HIPK2: variants seen among roughly 807,000 people sequenced by gnomAD.
The protein encoded by HIPK2 is homeodomain interacting protein kinase 2.
HIPK2 carries 27 observed loss-of-function variants against 113.7 expected under a neutral mutation model. The ratio of observed to expected loss-of-function variants is 0.24; its 90% CI spans 0.17 to 0.33. The LOEUF is 0.33. HIPK2 is among the 10% of genes least tolerant of loss of function. The pLI, the probability that HIPK2 is intolerant of heterozygous loss-of-function variation, is 1.00. For synonymous variants in HIPK2, 631 were observed against 642.2 expected, an observed-to-expected ratio of 0.98 and a Z score of 0.26; for missense variants, 1,257 against 1,588.0, an observed-to-expected ratio of 0.79 and a Z score of 3.54.
chr7:139,716,146 G>A lies in HIPK2; in HGVS notation c.889C>T (p.Pro297Ser). 6.2e-7 allele frequency: 1 copy of A among 1,614,040 alleles called. No homozygotes were observed. The highest frequency in any genetic ancestry group is 8.5e-7 in the Non-Finnish European group (1 of 1,179,912). ...AGAACTGGGCGAATGTATTTGAGGG[G>A]CAAGGGGCTAAACTTGTTTTGCTTC... Reference protein sequence around the residue: ...FLKQNKFSPLPLKYIRPVLQQ... With the variant: ...FLKQNKFSPLSLKYIRPVLQQ... Residue 297 changes from proline to serine, a missense_variant, in exon 2 of 15, where the codon CCC (proline) becomes TCC (serine). Physicochemically the swap from Pro to Ser is moderately conservative, Grantham distance 74. Transcript: ENST00000406875. This position sits in a 1 kb window ranked among gnomAD's most constrained non-coding sequence, Gnocchi z 9.3.
At chr7:139,765,884 C>A (rs1436578364) in intron 1 of HIPK2, among the ~76,000 whole-genome samples, 1 of 152,216 alleles carries the variant, frequency 6.6e-6, no homozygotes, top group East Asian at 1.9e-4. Context: ...ATAGAGCTAA[C>A]CCCTTCACCA....
At chr7:139,711,936 T>G (rs1156514662) in intron 2 of HIPK2, among the ~76,000 whole-genome samples, 1 of 152,132 alleles carries the variant, frequency 6.6e-6, no homozygotes, top group Non-Finnish European at 1.5e-5. Context: ...ATAGTGTTTC[T>G]CAAAGACTGG....
chr7:139,745,907 C>T (rs962772144), intron 1 of HIPK2, among the ~76,000 whole-genome samples: 2 of 152,172 alleles, frequency 1.3e-5, no homozygotes, highest in South Asian at 4.1e-4. Context: ...GTAGCAGCCA[C>T]GATTATTTCA....
At chr7:139,621,957 GA>G (rs1053240730) in intron 6 of HIPK2, among the ~76,000 whole-genome samples, 78 of 144,144 alleles carry the variant, frequency 5.4e-4, no homozygotes, top group African/African-American at 1.7e-3. Flanking sequence ...AAAAGAAAAA[GA>G]AAAAAAACTC....
rs186457099 is a variant in HIPK2, at chr7:139,693,255, C to G, written c.1103+22677G>C. On this transcript the variant is annotated intron_variant, in intron 2 of 14. Transcript: ENST00000406875. ...TGCATGTAAAATTCCTTGCATATAA[C>G]AGGCACTTAATAAATGGCAGCTAGA... is the stretch of plus-strand genomic sequence containing the variant. 7.2e-5 allele frequency among the ~76,000 whole-genome samples: 11 copies of G among 152,334 alleles called. 1 individual carries two copies. The highest frequency in any genetic ancestry group is 7.2e-4 in the Admixed American group (11 of 15,304).
At chr7:139,688,062 C>T (rs892611705) in intron 2 of HIPK2, among the ~76,000 whole-genome samples, 36 of 152,144 alleles carry the variant, frequency 2.4e-4, no homozygotes, top group African/African-American at 7.9e-4. Flanking sequence ...CACAGGCAGC[C>T]CATTGGGCCT....
intron 10 of HIPK2, 99 bp from the exon 11 acceptor site, chr7:139,600,695 G>T: frequency 7.4e-7 from 1 of 1,354,422 alleles, no homozygotes; most frequent in Non-Finnish European, 1.0e-6. Flanking sequence ...GCTGACTGCA[G>T]TTGGTTATCT....
chr7:139,696,788 G>A (rs940440288), intron 2 of HIPK2, among the ~76,000 whole-genome samples: 12 of 152,126 alleles, frequency 7.9e-5, no homozygotes, highest in African/African-American at 1.9e-4. Flanking sequence ...TCTTCCTGGC[G>A]TCAACACTCA....
rs1371158839 is a variant in HIPK2 at position 139,613,718 on chromosome 7, C to G, written c.1991-395G>C. On this transcript the variant is annotated intron_variant, in intron 8 of 14. Transcript: ENST00000406875. The surrounding 1 kb of genome is among the most constrained non-coding windows in gnomAD (Gnocchi z 4.2). ...GCATTGACTGTAACCACACAGTTTA[C>G]ACCATGAGGCTTGCAAAAATAAATT... Among the ~76,000 whole-genome samples the G allele has an allele frequency of 6.6e-6, 1 of 152,146 alleles. No homozygotes were observed. Among genetic ancestry groups the G allele is most frequent in the Admixed American group, 6.5e-5 (1 of 15,270 alleles).
chr7:139,702,697 T>C (rs1794746743), intron 2 of HIPK2, among the ~76,000 whole-genome samples: 1 of 152,086 alleles, frequency 6.6e-6, no homozygotes, highest in Non-Finnish European at 1.5e-5. Flanking sequence ...GCGTAAATAA[T>C]CATGTCAGAA....
intron 2 of HIPK2, among the ~76,000 whole-genome samples, chr7:139,702,882 T>C (rs954913394): frequency 2.6e-5 from 4 of 152,134 alleles, no homozygotes; most frequent in Admixed American, 6.5e-5. Flanking sequence ...GAGGACAAGT[T>C]GATGAGCCAC....
chr7:139,734,743 T>A (rs1489328802), intron 1 of HIPK2, among the ~76,000 whole-genome samples: 1 of 152,206 alleles, frequency 6.6e-6, no homozygotes, highest in Non-Finnish European at 1.5e-5. Context: ...ACTGATTCAT[T>A]AATGGCCAAA....
chr7:139,655,119 TC>T (rs1444452774), intron 2 of HIPK2, among the ~76,000 whole-genome samples: 1 of 152,132 alleles, frequency 6.6e-6, no homozygotes, highest in Non-Finnish European at 1.5e-5. Flanking sequence ...GGAATTAGGG[TC>T]CCCAGCCTGG....
At chr7:139,698,349 G>A (rs1255970476) in intron 2 of HIPK2, among the ~76,000 whole-genome samples, 1 of 152,080 alleles carries the variant, frequency 6.6e-6, no homozygotes, top group African/African-American at 2.4e-5. Flanking sequence ...TTGCATATAC[G>A]TTCATCCACT....
chr7:139,661,275 C>T (rs1048296603), intron 2 of HIPK2, among the ~76,000 whole-genome samples: 3 of 152,188 alleles, frequency 2.0e-5, no homozygotes, highest in African/African-American at 7.2e-5. Flanking sequence ...CCAATATAAG[C>T]GTCTCTTCTA....
intron 1 of HIPK2, among the ~76,000 whole-genome samples, chr7:139,742,663 G>C (rs972938517): frequency 2.0e-5 from 3 of 152,150 alleles, no homozygotes; most frequent in Non-Finnish European, 4.4e-5. Context: ...ATTTTCTGAG[G>C]GTAGAATGTG....
chr7:139,715,360 C>T (rs1280856940), intron 2 of HIPK2, among the ~76,000 whole-genome samples: 3 of 152,218 alleles, frequency 2.0e-5, no homozygotes, highest in Non-Finnish European at 2.9e-5. Context: ...CCCTTCTGCA[C>T]GTGGATAGAC....
chr7:139,763,472 G>A (rs1398440982), intron 1 of HIPK2, among the ~76,000 whole-genome samples: 2 of 100,808 alleles, frequency 2.0e-5, no homozygotes, highest in East Asian at 3.7e-4. Flanking sequence ...GCCGGAACAC[G>A]CCCCCCCCCC....
intron 1 of HIPK2, among the ~76,000 whole-genome samples, chr7:139,747,345 G>A (rs1172443827): frequency 1.3e-5 from 2 of 152,138 alleles, no homozygotes; most frequent in Non-Finnish European, 2.9e-5. Flanking sequence ...CGGAGAAGGT[G>A]GTCTGCATCT....
Sources: gnomAD v4.1 joint callset for allele counts (sites outside exome capture counted in the v4.1 genomes callset) on GRCh38, gnomAD v4.1.1 for gene constraint, Gnocchi (gnomAD v3.1) non-coding constraint, MANE v1.5 for transcripts, NCBI Gene and HGNC (gene_info 2026-07-23, HGNC 2026-07-21) for gene names.